DOK5: variants seen among roughly 807,000 people sequenced by gnomAD.
DOK5 encodes downstream of tyrosine kinase 5.
DOK5 carries 27 observed loss-of-function variants against 43.3 expected under a neutral mutation model. The ratio of observed to expected loss-of-function variants is 0.62; its 90% confidence interval spans 0.46 to 0.86. DOK5 has a LOEUF of 0.86. DOK5 is among the 40% of genes least tolerant of loss of function. The pLI, the probability that DOK5 is intolerant of heterozygous loss-of-function variation, is 0.00. For missense variants in DOK5, 373 were observed against 392.9 expected (o/e 0.95, Z 0.43); for synonymous variants, 146 against 140.1 (o/e 1.04, Z -0.30).
intron 1 of DOK5, among the ~76,000 whole-genome samples, chr20:54,496,042 G>A (rs974285439): frequency 5.3e-5 from 8 of 152,206 alleles, no homozygotes; most frequent in Admixed American, 2.0e-4. Context: ...AGGATCAAGC[G>A]TGTGTGAAGG....
At chr20:54,528,513 C>T (rs1231547243) in intron 1 of DOK5, among the ~76,000 whole-genome samples, 1 of 151,620 alleles carries the variant, frequency 6.6e-6, no homozygotes, top group African/African-American at 2.4e-5. Flanking sequence ...ATCTTCATGA[C>T]CAGAAAAAGG....
chr20:54,564,686 T>C (rs1405080962), intron 2 of DOK5, among the ~76,000 whole-genome samples: 3 of 152,190 alleles, frequency 2.0e-5, no homozygotes, highest in African/African-American at 7.2e-5. Flanking sequence ...AAAGGTGATG[T>C]CAATCCCATG....
At chr20:54,560,259 C>A (rs918315197) in intron 2 of DOK5, among the ~76,000 whole-genome samples, 1 of 152,188 alleles carries the variant, frequency 6.6e-6, no homozygotes, top group African/African-American at 2.4e-5. Flanking sequence ...TCACAGCCCC[C>A]TCTTTCAATA....
chr20:54,502,490 A>G (rs1982646885), intron 1 of DOK5, among the ~76,000 whole-genome samples: 1 of 152,188 alleles, frequency 6.6e-6, no homozygotes, highest in African/African-American at 2.4e-5. Context: ...AAAAGTTCAA[A>G]AGGGTATACA....
intron 1 of DOK5, among the ~76,000 whole-genome samples, chr20:54,519,779 C>G (rs1234833572): frequency 6.6e-6 from 1 of 152,118 alleles, no homozygotes; most frequent in Non-Finnish European, 1.5e-5. Context: ...GTGAATTTGG[C>G]TCTATGCTAT....
At chr20:54,559,690 T>G (rs956513134) in intron 2 of DOK5, among the ~76,000 whole-genome samples, 3 of 152,200 alleles carry the variant, frequency 2.0e-5, no homozygotes, top group Non-Finnish European at 4.4e-5. Context: ...CCAAAACAGC[T>G]GGGCCATGGA....
chr20:54,610,385 C>G lies in DOK5; in HGVS notation c.600-3C>G, dbSNP rs1440568072. 6.6e-7 allele frequency: 1 copy of G among 1,510,442 alleles called. No individual in the cohort carries two copies. The highest frequency in any genetic ancestry group is 8.8e-7 in the Non-Finnish European group (1 of 1,130,184). 93.6% of individuals were successfully genotyped at this position (1,510,442 alleles called of 1,614,324 possible). A position where few individuals can be genotyped will look rare whatever the true frequency, so the allele number is the denominator to read the frequency against. On this transcript the variant is annotated splice_region_variant and splice_polypyrimidine_tract_variant and intron_variant, in intron 5 of 7. Coordinates refer to ENST00000262593, the MANE Select transcript of DOK5 (RefSeq NM_018431.5). ...AGAAGCTGTTTTGTTTTTGTTTTCACAGGATGTGTGAGACTGGTGAAGGGC... is the reference window on the plus strand; with the variant it reads ...AGAAGCTGTTTTGTTTTTGTTTTCAGAGGATGTGTGAGACTGGTGAAGGGC...
chr20:54,498,164 T>C (rs1982469375), intron 1 of DOK5, among the ~76,000 whole-genome samples: 1 of 152,200 alleles, frequency 6.6e-6, no homozygotes, highest in Non-Finnish European at 1.5e-5. Flanking sequence ...ACTGTATATT[T>C]TGTGTTGCAG....
chr20:54,476,147 CCG>C, intron 1 of DOK5, 135 bp downstream of exon 1: 1 of 1,528,472 alleles, frequency 6.5e-7, no homozygotes, highest in Non-Finnish European at 8.8e-7. Flanking sequence ...CAGCCGAAAC[CCG>C]CGTCTCCGGG....
At chr20:54,503,807 C>T (rs1982700367) in intron 1 of DOK5, among the ~76,000 whole-genome samples, 1 of 152,094 alleles carries the variant, frequency 6.6e-6, no homozygotes, top group East Asian at 1.9e-4. Flanking sequence ...TGAAACCTGA[C>T]ATCAGAAGTG....
intron 1 of DOK5, among the ~76,000 whole-genome samples, chr20:54,537,771 A>G (rs1194516775): frequency 2.0e-5 from 3 of 151,624 alleles, no homozygotes; most frequent in Non-Finnish European, 2.9e-5. Context: ...GGAAGTCCTC[A>G]TCTACCATTG....
At chr20:54,522,699 G>C (rs1309653267) in intron 1 of DOK5, among the ~76,000 whole-genome samples, 1 of 151,640 alleles carries the variant, frequency 6.6e-6, no homozygotes, top group African/African-American at 2.4e-5. Flanking sequence ...ATTTTTAGTA[G>C]AGACAGGGTT....
Position 54,591,801 on chromosome 20 carries a change from G to C in DOK5, c.595G>C (p.Gly199Arg), listed in dbSNP as rs753603539. The C allele has an allele frequency of 1.2e-6, 2 of 1,610,660 alleles. No individual in the cohort carries two copies. The highest frequency in any genetic ancestry group is 3.4e-5 in the Admixed American group (2 of 59,294). The change falls in exon 5 of 8, where the codon GGG (glycine) becomes CGG (arginine). Residue 199 changes from glycine (G) to arginine (R), a missense_variant. Transcript: ENST00000262593. ...RDTTWFTFEA[G>R]RMCETGEGLF... ...TACTACGTGGTTCACTTTTGAGGCAGGGAGGTGAGTTTAATGACTTTTAAT... is the reference window on the plus strand; with the variant it reads ...TACTACGTGGTTCACTTTTGAGGCACGGAGGTGAGTTTAATGACTTTTAAT...
chr20:54,522,674 C>G (rs774566820), intron 1 of DOK5, among the ~76,000 whole-genome samples: 3 of 151,874 alleles, frequency 2.0e-5, no homozygotes, highest in Non-Finnish European at 4.4e-5. Flanking sequence ...CGTCCACTAC[C>G]TGGCTTATTT....
chr20:54,595,738 G>A lies in DOK5; in HGVS notation c.599+3933G>A, dbSNP rs369184575. Among the ~76,000 whole-genome samples, 7 of 152,334 alleles carry A rather than the reference G, an allele frequency of 4.6e-5. 2 individuals carry two copies. The highest frequency in any genetic ancestry group is 1.3e-4 in the Admixed American group (2 of 15,304). ...TTTTGCAGGGCTGGTGCAAACTTGA[G>A]ATTGAATGGTCAGAAAGGAAAGTGT... On this transcript the variant is annotated intron_variant, in intron 5 of 7. Coordinates refer to ENST00000262593, the MANE Select transcript of DOK5 (RefSeq NM_018431.5).
Position 54,477,172 on chromosome 20 carries a change from T to C in DOK5, c.66+1160T>C, listed in dbSNP as rs144224727. 5.5e-3 allele frequency among the ~76,000 whole-genome samples: 839 copies of C among 152,286 alleles called. 12 individuals are homozygous for C. The highest frequency in any genetic ancestry group is 0.019 in the African/African-American group (795 of 41,548). On this transcript the variant is annotated intron_variant, in intron 1 of 7. Transcript: ENST00000262593. ...AATTGAATAGCTTTCTTTAGAAATA[T>C]GTGTCATTTGGCATCTTTCTCTTAC...
intron 2 of DOK5, among the ~76,000 whole-genome samples, chr20:54,584,762 T>C (rs1051490220): frequency 1.5e-4 from 21 of 139,104 alleles, no homozygotes; most frequent in African/African-American, 6.2e-4. Context: ...TGTGTGTATA[T>C]ATATCTAGAT....
chr20:54,616,299 A>G (rs1986805874), intron 6 of DOK5, among the ~76,000 whole-genome samples: 1 of 152,232 alleles, frequency 6.6e-6, no homozygotes, highest in Non-Finnish European at 1.5e-5. Context: ...TCAAGCCCCT[A>G]GACACGTTTT....
At chr20:54,615,682 T>C (rs4542911) in intron 6 of DOK5, among the ~76,000 whole-genome samples, 70,953 of 151,802 alleles carry the variant, frequency 0.47, 21,551 homozygotes, top group African/African-American at 0.85. Flanking sequence ...GAGGCCGAGG[T>C]GGGTGGATCA....
Sources: gnomAD v4.1 joint callset for allele counts (sites outside exome capture counted in the v4.1 genomes callset) on GRCh38, gnomAD v4.1.1 for gene constraint, MANE v1.5 for transcripts, NCBI Gene and HGNC (gene_info 2026-07-23, HGNC 2026-07-21) for gene names.